Variants in SNED1 observed in about 807,000 individuals in gnomAD.
SNED1 encodes the protein sushi, nidogen and EGF like domains 1.
A neutral mutation model predicts 166.7 loss-of-function variants in SNED1; 81 were observed. The observed-to-expected ratio is 0.49, with a 90% confidence interval of 0.41 to 0.58. SNED1 has a LOEUF of 0.58. SNED1 is among the 20% of genes least tolerant of loss of function. The pLI, the probability that SNED1 is intolerant of heterozygous loss-of-function variation, is 0.00. For missense variants in SNED1, 1,604 were observed against 2,000.2 expected, an observed-to-expected ratio of 0.80 and a Z score of 3.78; for synonymous variants, 762 against 822.0, an observed-to-expected ratio of 0.93 and a Z score of 1.25.
intron 29 of SNED1, 63 bp downstream of exon 29, chr2:241,082,427 C>A: frequency 1.5e-6 from 2 of 1,327,266 alleles, no homozygotes; most frequent in Non-Finnish European, 2.2e-6. Context: ...CCTCAAAGTG[C>A]TGTCTCAAAG....
In SNED1 at chr2:241,049,809, G is replaced by A. The variant is rs757462052; in HGVS notation, c.1619-8G>A. 1.2e-6 allele frequency: 2 copies of A among 1,606,932 alleles called. No individual in the cohort carries two copies. Among genetic ancestry groups the A allele is most frequent in the Non-Finnish European group, 1.7e-6 (2 of 1,174,014 alleles). ...GCTCCAGGACCACCCTCTGTCCCCCGCCCCCAGCCCTGCCATCACCCTGCG... is the reference window on the plus strand; with the variant it reads ...GCTCCAGGACCACCCTCTGTCCCCCACCCCCAGCCCTGCCATCACCCTGCG... On this transcript the variant is annotated splice_region_variant and splice_polypyrimidine_tract_variant and intron_variant, in intron 11 of 31. Transcript: ENST00000310397.
At chr2:241,044,326 A>C (rs577102372) in intron 8 of SNED1, among the ~76,000 whole-genome samples, 1 of 152,346 alleles carries the variant, frequency 6.6e-6, no homozygotes, top group South Asian at 2.1e-4. Flanking sequence ...AAGTATAAAG[A>C]CACAGGTAAT....
Position 241,073,471 on chromosome 2 carries a change from A to T in SNED1, c.3916+107A>T, listed in dbSNP as rs1305526716. ...CCCACGGTGAGGAATCAGGAGGCAC[A>T]GAGCCTACCTGAGGGGAGGCTGAGC... On this transcript the variant is annotated intron_variant, in intron 27 of 31. Transcript: ENST00000310397. The surrounding 1 kb of genome is among the most constrained non-coding windows in gnomAD (Gnocchi z 6.6). The T allele has an allele frequency of 1.1e-6, 1 of 917,528 alleles. No individual in the cohort carries two copies. Among genetic ancestry groups the T allele is most frequent in the Admixed American group, 2.0e-5 (1 of 49,648 alleles). The allele number at this position is 917,528 out of a possible 1,614,324, so 56.8% of individuals were successfully genotyped here.
intron 1 of SNED1, among the ~76,000 whole-genome samples, chr2:241,021,011 C>T (rs2060756152): frequency 6.6e-6 from 1 of 152,218 alleles, no homozygotes; most frequent in African/African-American, 2.4e-5. Flanking sequence ...CATCCTCAAG[C>T]TCACTTAAGC....
rs1042083494 is a variant in SNED1, at chr2:241,036,708, G to A, written c.806-82G>A. 5 of 1,569,380 alleles carry A rather than the reference G, an allele frequency of 3.2e-6. No homozygotes were observed. The African/African-American group carries it at 6.7e-5, about 21-fold the overall frequency. ...GGCCGACCTTTTGGGTCAGGGGAGG[G>A]AAGGGAGATGCGGATGGGAGTGGCT... On this transcript the variant is annotated intron_variant, in intron 4 of 31. Coordinates refer to ENST00000310397, the MANE Select transcript of SNED1 (RefSeq NM_001080437.3).
rs903176640 is a variant in SNED1, at chr2:240,999,271, A to C, written c.213+221A>C. Among the ~76,000 whole-genome samples the C allele has an allele frequency of 1.3e-5, 2 of 148,690 alleles. No homozygotes were observed. Among genetic ancestry groups the C allele is most frequent in the Non-Finnish European group, 3.0e-5 (2 of 66,936 alleles). On this transcript the variant is annotated intron_variant, in intron 1 of 31. Transcript: ENST00000310397. This position sits in a 1 kb window ranked among gnomAD's most constrained non-coding sequence, Gnocchi z 5.8. ...CGGGGGCGGCAGCCGCCGGGCACCG[A>C]GGCGGGGGCGAGTGGAGCGCGGCGC...
intron 1 of SNED1, among the ~76,000 whole-genome samples, chr2:241,024,235 CTTTTTTTTTTT>C (rs10664618): frequency 1.3e-4 from 6 of 46,908 alleles, no homozygotes; most frequent in African/African-American, 1.7e-4. Context: ...ACTCTACTAC[CTTTTTTTTTTT>C]TTTTTTTTTT....
rs1375416258 is a variant in SNED1 at position 241,034,697 on chromosome 2, G to A, written c.772G>A (p.Ala258Thr). The change falls in exon 4 of 32, where the codon GCC (alanine) becomes ACC (threonine). Residue 258 changes from alanine to threonine, a missense_variant. Ala to Thr is a moderately conservative substitution (Grantham distance 58). This residue lies in a region of SNED1 where 1,237 missense variants were observed against 1,620.8 expected (regional missense o/e 0.76). Transcript: ENST00000310397. ...PGRWAFRIDD[A>T]QVRVGGCGHT... ...GCGCTGGGCGTTCAGAATCGATGAT[G>A]CCCAGGTGCGCGTGGGGGGCTGCGG... is the stretch of plus-strand genomic sequence containing the variant. 6.3e-7 allele frequency: 1 copy of A among 1,593,168 alleles called. No homozygotes were observed. Among genetic ancestry groups the A allele is most frequent in the East Asian group, 2.3e-5 (1 of 43,786 alleles).
At chr2:241,078,408 AAAAG>A (rs2063151251) in intron 27 of SNED1, among the ~76,000 whole-genome samples, 1 of 151,594 alleles carries the variant, frequency 6.6e-6, no homozygotes, top group South Asian at 2.1e-4. Context: ...AGAAAGAAAG[AAAAG>A]AAAGGATAAG....
chr2:241,042,955 G>T, intron 8 of SNED1, among the ~76,000 whole-genome samples: 1 of 152,034 alleles, frequency 6.6e-6, no homozygotes, highest in South Asian at 2.1e-4. Context: ...CCACGTATTT[G>T]GAGTCTGTGA....
chr2:241,037,117 G>GCTGCCCTCTCTGAGCCAAT, intron 5 of SNED1, 123 bp from the exon 6 acceptor site: 1 of 1,032,286 alleles, frequency 9.7e-7, no homozygotes, highest in Non-Finnish European at 1.4e-6. Context: ...GGGTGCAGTT[G>GCTGCCCTCTCTGAGCCAAT]CTGCCCTCTC....
intron 16 of SNED1, among the ~76,000 whole-genome samples, chr2:241,054,007 G>C (rs2061963017): frequency 6.6e-6 from 1 of 152,228 alleles, no homozygotes; most frequent in African/African-American, 2.4e-5. Context: ...CCAGATTTGA[G>C]TGGGGCACAT....
At chr2:241,071,748 GCCCGAGGC>G (rs2062731847) in intron 25 of SNED1, 28 bp downstream of exon 25, 2 of 1,231,716 alleles carry the variant, frequency 1.6e-6, no homozygotes, top group Non-Finnish European at 1.1e-6. Context: ...CGGCCCCATC[GCCCGAGGC>G]GGCGCTCGGA....
At chr2:241,084,497 G>A (rs1323800002) in intron 29 of SNED1, among the ~76,000 whole-genome samples, 3 of 152,064 alleles carry the variant, frequency 2.0e-5, no homozygotes, top group Admixed American at 6.6e-5. Context: ...ACTTCACGCC[G>A]CATACCTTTA....
chr2:241,033,981 C>T, intron 3 of SNED1, 106 bp downstream of exon 3: 1 of 1,337,928 alleles, frequency 7.5e-7, no homozygotes, highest in East Asian at 2.6e-5. Context: ...GCAGATCCCC[C>T]AGTACCGTGC....
At chr2:241,015,935 T>G (rs2060569921) in intron 1 of SNED1, 1 of 152,272 alleles carries the variant, frequency 6.6e-6, no homozygotes, top group Non-Finnish European at 1.5e-5. Context: ...ATTCCCAGCG[T>G]TTTTAATCAC....
In SNED1 at chr2:241,073,279, G is replaced by T. The variant is rs771943647; in HGVS notation, c.3831G>T (p.Ser1277=). The T allele has an allele frequency of 9.0e-6, 14 of 1,559,216 alleles. No individual in the cohort carries two copies. Residue 1277 remains serine (S), a synonymous_variant, in exon 27 of 32, where the codon TCG becomes TCT. Transcript: ENST00000310397. This position sits in a 1 kb window ranked among gnomAD's most constrained non-coding sequence, Gnocchi z 6.6. ...GGCTTCTCCTAGAACCCACAGCCTCGGCGCAGCTCGAGAACATGGAGGAAG... is the reference window on the plus strand; with the variant it reads ...GGCTTCTCCTAGAACCCACAGCCTCTGCGCAGCTCGAGAACATGGAGGAAG... The part of the protein sequence containing the change: ...AATVRSQPTA[S]AQLENMEEAP...
In SNED1 at chr2:241,068,010, G is replaced by A. The variant is rs1017734909; in HGVS notation, c.3194+63G>A. On this transcript the variant is annotated intron_variant, in intron 22 of 31. Transcript: ENST00000310397. This position sits in a 1 kb window ranked among gnomAD's most constrained non-coding sequence, Gnocchi z 5.3. ...GGCAGGGGTGGGGGCTCGGGGACAC[G>A]GGGCCCAGGTCTCGGGCACATTCTC... 58 of 1,456,510 alleles carry A rather than the reference G, an allele frequency of 4.0e-5. No individual in the cohort carries two copies. The highest frequency in any genetic ancestry group is 2.1e-4 in the African/African-American group (15 of 71,584). The allele number at this position is 1,456,510 out of a possible 1,614,324, so 90.2% of individuals were successfully genotyped here.
rs2061879325 is a variant in SNED1 at position 241,052,513 on chromosome 2, GCCAGGCAGGTGAGATGGCCAGGGCCC to G, written c.2083+46_2083+71del. The G allele has an allele frequency of 2.1e-6, 3 of 1,454,446 alleles. No homozygotes were observed. The African/African-American group carries it at 4.7e-5, about 23-fold the overall frequency. The allele number at this position is 1,454,446 out of a possible 1,614,324, so 90.1% of individuals were successfully genotyped here. A position where few individuals can be genotyped will look rare whatever the true frequency, so the allele number is the denominator to read the frequency against. On this transcript the variant is annotated intron_variant, in intron 15 of 31. Coordinates refer to ENST00000310397, the MANE Select transcript of SNED1 (RefSeq NM_001080437.3). ...CAAGCAGGGTACATGGGATACCAGT[GCCAGGCAGGTGAGATGGCCAGGGCCC>G]AAGCAGGGTACATGGGATACCAGTG...
Sources: allele counts gnomAD v4.1 joint callset (sites outside exome capture counted in the v4.1 genomes callset), GRCh38; gene constraint gnomAD v4.1.1; regional missense constraint gnomAD v4.1.1; non-coding constraint Gnocchi (gnomAD v3.1); transcripts MANE v1.5; gene names NCBI Gene and HGNC (gene_info 2026-07-23, HGNC 2026-07-21).